The following RUNDC3B variants were observed in gnomAD, a reference collection of about 807,000 sequenced individuals.
The protein encoded by RUNDC3B is RUN domain containing 3B, also known as RUN domain-containing protein 3B.
Under a neutral mutation model 58.4 loss-of-function variants are expected in RUNDC3B, and 33 were observed. That is an observed-to-expected ratio of 0.56 (90% CI 0.43 to 0.75). RUNDC3B has a LOEUF of 0.75. Among genes scored for constraint, RUNDC3B ranks in the 30% least tolerant of loss-of-function variants. The pLI, the probability that RUNDC3B is intolerant of heterozygous loss-of-function variation, is 0.00. For missense variants in RUNDC3B, 501 were observed against 535.7 expected (o/e 0.94, Z 0.64); for synonymous variants, 193 against 195.2 (o/e 0.99, Z 0.10).
chr7:87,809,925 G>A (rs1207579629), intron 9 of RUNDC3B, among the ~76,000 whole-genome samples: 1 of 152,184 alleles, frequency 6.6e-6, no homozygotes, highest in Non-Finnish European at 1.5e-5. Flanking sequence ...CCTTAAGTAA[G>A]TTCAACAGAC....
intron 8 of RUNDC3B, among the ~76,000 whole-genome samples, chr7:87,805,980 A>G (rs147071918): frequency 1.3e-5 from 2 of 152,242 alleles, no homozygotes; most frequent in East Asian, 3.9e-4. Context: ...GTAAAGCTTT[A>G]CTGTTTTCAT....
At chr7:87,749,620 T>A (rs866279174) in intron 6 of RUNDC3B, among the ~76,000 whole-genome samples, 18 of 152,284 alleles carry the variant, frequency 1.2e-4, no homozygotes, top group Middle Eastern at 3.4e-3. Flanking sequence ...ACACATTTTT[T>A]AAAAATCTAC....
rs1321945990 is a variant in RUNDC3B, at chr7:87,777,966, G to A, written c.956+11G>A. 1.3e-6 allele frequency: 2 copies of A among 1,598,550 alleles called. No individual in the cohort carries two copies. The highest frequency in any genetic ancestry group is 1.1e-5 in the South Asian group (1 of 87,788). ...GCTTCAAGATCAGCTGTAAGTACAA[G>A]CCTTTTAGAAAAATGTTGGTAGCAT... On this transcript the variant is annotated intron_variant, in intron 8 of 10. Coordinates refer to ENST00000394654, the MANE Select transcript of RUNDC3B (RefSeq NM_001134405.2).
intron 1 of RUNDC3B, among the ~76,000 whole-genome samples, chr7:87,646,760 T>C (rs2130342537): frequency 6.7e-6 from 1 of 149,798 alleles, no homozygotes; most frequent in Middle Eastern, 3.5e-3. Context: ...GCATTATTCT[T>C]GTGTATTGTC....
chr7:87,698,972 G>A (rs1026495874), intron 2 of RUNDC3B, among the ~76,000 whole-genome samples: 5 of 151,998 alleles, frequency 3.3e-5, no homozygotes, highest in African/African-American at 1.2e-4. Flanking sequence ...ACTAGGGGGC[G>A]ATTTTTAAAA....
intron 10 of RUNDC3B, among the ~76,000 whole-genome samples, chr7:87,825,840 C>T (rs6966166): frequency 0.64 from 96,955 of 152,136 alleles, 33,253 homozygotes; most frequent in African/African-American, 0.91. Context: ...CTGCTGGATT[C>T]TGGACTTTCT....
At chr7:87,713,252 T>C (rs976289286) in intron 4 of RUNDC3B, 10 of 152,154 alleles carry the variant, frequency 6.6e-5, no homozygotes, top group African/African-American at 2.4e-4. Context: ...CTGAATAAAG[T>C]AGATTTCTTC....
intron 6 of RUNDC3B, among the ~76,000 whole-genome samples, chr7:87,761,087 G>T (rs998056046): frequency 6.6e-6 from 1 of 151,790 alleles, no homozygotes; most frequent in Non-Finnish European, 1.5e-5. Flanking sequence ...CAAAATCAGG[G>T]TCTAGTATTT....
At chr7:87,708,942 C>G (rs1377982611) in intron 3 of RUNDC3B, among the ~76,000 whole-genome samples, 1 of 152,068 alleles carries the variant, frequency 6.6e-6, no homozygotes, top group Non-Finnish European at 1.5e-5. Context: ...TTTTCATAAA[C>G]CTTCATTTTA....
chr7:87,704,776 T>C (rs1275211159), intron 3 of RUNDC3B, among the ~76,000 whole-genome samples: 1 of 152,010 alleles, frequency 6.6e-6, no homozygotes, highest in Non-Finnish European at 1.5e-5. Context: ...CTGGGAAGAG[T>C]CTGTGGAGAA....
chr7:87,733,856 C>A (rs1408026211), intron 4 of RUNDC3B, among the ~76,000 whole-genome samples: 1 of 152,192 alleles, frequency 6.6e-6, no homozygotes, highest in Non-Finnish European at 1.5e-5. Flanking sequence ...TCCTAACAGG[C>A]CACGGACAGG....
chr7:87,628,867 G>A lies in RUNDC3B; in HGVS notation c.44G>A (p.Gly15Asp). The A allele has an allele frequency of 7.8e-7, 1 of 1,282,286 alleles. No individual in the cohort carries two copies. Among genetic ancestry groups the A allele is most frequent in the South Asian group, 3.7e-5 (1 of 27,248 alleles). The allele number at this position is 1,282,286 out of a possible 1,614,324, so 79.4% of individuals were successfully genotyped here. ...SLGGLSGIRG[G>D]GGGGGKKSLS... ...GGGGGCCTGAGCGGGATCCGCGGCG[G>A]TGGCGGCGGAGGCGGCAAGAAAAGC... is the stretch of plus-strand genomic sequence containing the variant. The change falls in exon 1 of 11, where the codon GGT becomes GAT. Residue 15 changes from glycine (G) to aspartate (D), a missense_variant. Gly to Asp is a moderately conservative substitution (Grantham distance 94). Transcript: ENST00000394654.
chr7:87,725,960 T>G (rs1373596483), intron 4 of RUNDC3B, among the ~76,000 whole-genome samples: 3 of 152,242 alleles, frequency 2.0e-5, no homozygotes, highest in Non-Finnish European at 4.4e-5. Context: ...CTTGTAAATT[T>G]GCCTGAGTTC....
At position 87,785,877 on chromosome 7, in the gene RUNDC3B, C is replaced by T. The variant is rs530100029; in HGVS notation, c.956+7922C>T. Reference sequence around the variant, plus strand: ...GCAATTCCTTTGCCAACTCAAATGTCTGTGTGGGTTGTGGGATCTTTTATA... The same window carrying T: ...GCAATTCCTTTGCCAACTCAAATGTTTGTGTGGGTTGTGGGATCTTTTATA... On this transcript the variant is annotated intron_variant, in intron 8 of 10. Transcript: ENST00000394654. 2.0e-5 allele frequency among the ~76,000 whole-genome samples: 3 copies of T among 152,268 alleles called. No homozygotes were observed. The East Asian group carries it at 5.8e-4, about 29-fold the overall frequency.
chr7:87,790,648 TAA>T (rs1368085122), intron 8 of RUNDC3B, among the ~76,000 whole-genome samples: 3 of 151,994 alleles, frequency 2.0e-5, no homozygotes, highest in East Asian at 3.9e-4. Context: ...TTGAAATAAT[TAA>T]AAAGAGTCAA....
At chr7:87,799,650 A>G (rs994110044) in intron 8 of RUNDC3B, among the ~76,000 whole-genome samples, 1 of 152,014 alleles carries the variant, frequency 6.6e-6, no homozygotes, top group Non-Finnish European at 1.5e-5. Flanking sequence ...GCACTTTGGG[A>G]GGCTGAGGTG....
intron 3 of RUNDC3B, among the ~76,000 whole-genome samples, chr7:87,702,023 A>G (rs951450825): frequency 2.0e-5 from 3 of 151,308 alleles, no homozygotes; most frequent in Non-Finnish European, 2.9e-5. Flanking sequence ...GGCACCTGTA[A>G]TCCCAGCTAC....
intron 2 of RUNDC3B, among the ~76,000 whole-genome samples, chr7:87,680,183 A>G (rs1826786550): frequency 6.7e-6 from 1 of 150,366 alleles, no homozygotes; most frequent in Non-Finnish European, 1.5e-5. Flanking sequence ...AGCTTCATCC[A>G]TGTCCCTGCA....
rs547860150 is a variant in RUNDC3B at position 87,718,836 on chromosome 7, C to T, written c.458+8181C>T. 8.5e-5 allele frequency among the ~76,000 whole-genome samples: 13 copies of T among 152,078 alleles called. 1 individual carries two copies. The highest frequency in any genetic ancestry group is 3.1e-4 in the African/African-American group (13 of 41,534). ...GTATTGCACTCTTCTTACTAATGTT[C>T]AACTTAATAGTAGAGGTTAGCCAAT... On this transcript the variant is annotated intron_variant, in intron 4 of 10. Coordinates refer to ENST00000394654, the MANE Select transcript of RUNDC3B (RefSeq NM_001134405.2).
Sources: allele counts gnomAD v4.1 joint callset (sites outside exome capture counted in the v4.1 genomes callset), GRCh38; gene constraint gnomAD v4.1.1; transcripts MANE v1.5; gene names NCBI Gene and HGNC (gene_info 2026-07-23, HGNC 2026-07-21).